Variants in SLC35D1 observed in about 807,000 individuals in gnomAD.
The protein encoded by SLC35D1 is nucleotide sugar transporter SLC35D1.
SLC35D1 carries 31 observed loss-of-function variants against 46.7 expected under a neutral mutation model. The observed-to-expected ratio is 0.66, with a 90% CI of 0.50 to 0.90. The LOEUF is 0.90. Ranked by LOEUF, SLC35D1 falls within the 40% of genes least tolerant of loss-of-function variation. The pLI, the probability that SLC35D1 is intolerant of heterozygous loss-of-function variation, is 0.00. For synonymous variants in SLC35D1, 195 were observed against 164.6 expected, an observed-to-expected ratio of 1.18 and a Z score of -1.41; for missense variants, 397 against 426.2, an observed-to-expected ratio of 0.93 and a Z score of 0.60.
At chr1:66,996,980 C>T (rs1667245138), downstream of SLC35D1, among the ~76,000 whole-genome samples, 1 of 152,152 alleles carries the variant, frequency 6.6e-6, no homozygotes, top group Non-Finnish European at 1.5e-5. Context: ...ACAACATATA[C>T]AGAAATTCAC....
the SLC35D1 span, among the ~76,000 whole-genome samples, chr1:66,991,045 C>T: frequency 2.0e-5 from 3 of 152,138 alleles, no homozygotes; most frequent in Non-Finnish European, 4.4e-5. Flanking sequence ...TTCTATTCTG[C>T]CTTTGGGGAT....
intron 10 of SLC35D1, among the ~76,000 whole-genome samples, chr1:67,019,636 G>A (rs1033005200): frequency 2.4e-4 from 36 of 152,126 alleles, no homozygotes; most frequent in African/African-American, 8.4e-4. Flanking sequence ...CAAGGGTAAT[G>A]GCCCTCTTTT....
chr1:67,042,961 G>A (rs917252849), intron 7 of SLC35D1, among the ~76,000 whole-genome samples: 1 of 152,200 alleles, frequency 6.6e-6, no homozygotes, highest in Non-Finnish European at 1.5e-5. Flanking sequence ...ACTTTGGGAG[G>A]CTGAGGCAGG....
chr1:66,998,565 A>C (rs184471485), downstream of SLC35D1, among the ~76,000 whole-genome samples: 1 of 152,340 alleles, frequency 6.6e-6, no homozygotes, highest in Non-Finnish European at 1.5e-5. Context: ...GATTATTCAC[A>C]ATAGCCAAGA....
chr1:67,050,245 T>C (rs1167014363), intron 5 of SLC35D1, among the ~76,000 whole-genome samples, 188 bp downstream of exon 5: 1 of 152,184 alleles, frequency 6.6e-6, no homozygotes, highest in Non-Finnish European at 1.5e-5. Flanking sequence ...GATAAGATTT[T>C]CAACTCTAAT....
In SLC35D1 at chr1:67,050,534, T is replaced by C. The variant is rs563081818; in HGVS notation, c.393-30A>G. ...AAAAAAAAAAGATAATTAGGTAAAA[T>C]AGAATTTAACAATTTGTTTTAAACT... On this transcript the variant is annotated intron_variant, in intron 4 of 11. Coordinates refer to ENST00000235345, the MANE Select transcript of SLC35D1 (RefSeq NM_015139.3). The C allele has an allele frequency of 1.5e-4, 240 of 1,567,586 alleles. 7 individuals carry two copies. In the South Asian group the frequency reaches 2.4e-3, roughly 16 times the overall value.
chr1:67,027,111 C>T (rs1382998394), intron 8 of SLC35D1, among the ~76,000 whole-genome samples: 1 of 152,128 alleles, frequency 6.6e-6, no homozygotes, highest in African/African-American at 2.4e-5. Flanking sequence ...CTTGAGTGAG[C>T]TTTGGTACAT....
chr1:67,031,679 C>A (rs1317322061), intron 8 of SLC35D1, among the ~76,000 whole-genome samples: 1 of 152,070 alleles, frequency 6.6e-6, no homozygotes, highest in Non-Finnish European at 1.5e-5. Flanking sequence ...TCCATGTGGC[C>A]ATCATAGTTA....
chr1:67,000,198 T>C lies in SLC35D1; in HGVS notation c.*4142A>G, dbSNP rs974048729. 4 of 151,516 alleles carry C rather than the reference T, an allele frequency of 2.6e-5. No individual in the cohort carries two copies. The highest frequency in any genetic ancestry group is 7.3e-5 in the African/African-American group (3 of 41,276). The allele number at this position is 151,516 out of a possible 1,614,324, so 9.4% of individuals were successfully genotyped here. On this transcript the variant is annotated 3_prime_UTR_variant, in exon 12 of 12. Coordinates refer to ENST00000235345, the MANE Select transcript of SLC35D1 (RefSeq NM_015139.3). Reference sequence around the variant, plus strand: ...TAGCAGGCTAAGGCAGGAGGATCACTTGAGCCTAGGAGTTTGAGACTGTGG... The same window carrying C: ...TAGCAGGCTAAGGCAGGAGGATCACCTGAGCCTAGGAGTTTGAGACTGTGG...
the SLC35D1 span, among the ~76,000 whole-genome samples, chr1:66,973,520 TTTTA>T: frequency 2.0e-5 from 3 of 152,088 alleles, no homozygotes; most frequent in African/African-American, 7.2e-5. Flanking sequence ...AATTTGAGGA[TTTTA>T]TTTAACATAA....
chr1:67,013,819 G>A (rs1412805253), intron 10 of SLC35D1, among the ~76,000 whole-genome samples: 4 of 152,120 alleles, frequency 2.6e-5, no homozygotes, highest in East Asian at 1.9e-4. Context: ...TATAGTAAAC[G>A]ATTATTACTA....
At chr1:67,006,365 A>C (rs1200633226) in intron 11 of SLC35D1, among the ~76,000 whole-genome samples, 1 of 152,186 alleles carries the variant, frequency 6.6e-6, no homozygotes, top group Non-Finnish European at 1.5e-5. Context: ...AAGTTCTTTA[A>C]GGTTCACATG....
chr1:67,002,227 C>G lies in SLC35D1; in HGVS notation c.*2113G>C, dbSNP rs41312740. 190 of 152,470 alleles carry G rather than the reference C, an allele frequency of 1.2e-3. 1 individual carries two copies. Among genetic ancestry groups the G allele is most frequent in the Non-Finnish European group, 2.2e-3 (152 of 68,030 alleles). 9.4% of individuals were successfully genotyped at this position (152,470 alleles called of 1,614,324 possible). ...ACATTTACAGCCAGAAGTGCATTAT[C>G]AACTAAAGTCAGCCTGGAAGTGGGA... is the stretch of plus-strand genomic sequence containing the variant. On this transcript the variant is annotated 3_prime_UTR_variant, in exon 12 of 12. Transcript: ENST00000235345.
At chr1:67,048,318 A>G (rs1156379458) in intron 6 of SLC35D1, among the ~76,000 whole-genome samples, 1 of 152,220 alleles carries the variant, frequency 6.6e-6, no homozygotes, top group African/African-American at 2.4e-5. Flanking sequence ...TTGTAGACAC[A>G]AGAAAGCCCT....
chr1:67,024,585 C>T (rs1667878790), intron 8 of SLC35D1, among the ~76,000 whole-genome samples: 1 of 152,142 alleles, frequency 6.6e-6, no homozygotes, highest in Admixed American at 6.5e-5. Flanking sequence ...CTTCTAAGAA[C>T]TGAGACACAA....
At chr1:67,024,485 C>A (rs924106051) in intron 8 of SLC35D1, among the ~76,000 whole-genome samples, 1 of 152,164 alleles carries the variant, frequency 6.6e-6, no homozygotes, top group Non-Finnish European at 1.5e-5. Flanking sequence ...CAAAGCACCA[C>A]AAAACTGAGT....
Position 67,004,142 on chromosome 1 carries a change from A to G in SLC35D1, c.*198T>C, listed in dbSNP as rs897765248. 1.8e-5 allele frequency: 10 copies of G among 571,226 alleles called. No homozygotes were observed. The highest frequency in any genetic ancestry group is 2.2e-5 in the Non-Finnish European group (7 of 318,212). The allele number at this position is 571,226 out of a possible 1,614,324, so 35.4% of individuals were successfully genotyped here. ...TCTGATATAAATTAATTCAAACAAC[A>G]TATTTAAAATAGAGTCAATTATAAG... On this transcript the variant is annotated 3_prime_UTR_variant, in exon 12 of 12. Coordinates refer to ENST00000235345, the MANE Select transcript of SLC35D1 (RefSeq NM_015139.3).
chr1:66,979,323 T>C, the SLC35D1 span, among the ~76,000 whole-genome samples: 1 of 152,180 alleles, frequency 6.6e-6, no homozygotes, highest in African/African-American at 2.4e-5. Flanking sequence ...GAGAGAAATT[T>C]GAGTGAATTT....
At chr1:67,043,838 G>C (rs528634006) in intron 7 of SLC35D1, among the ~76,000 whole-genome samples, 1 of 152,252 alleles carries the variant, frequency 6.6e-6, no homozygotes, top group South Asian at 2.1e-4. Context: ...CACACTTCTG[G>C]GACATTCAGC....
Sources: gnomAD v4.1 joint callset for allele counts (sites outside exome capture counted in the v4.1 genomes callset) on GRCh38, gnomAD v4.1.1 for gene constraint, MANE v1.5 for transcripts, NCBI Gene and HGNC (gene_info 2026-07-23, HGNC 2026-07-21) for gene names.